SEMA3D: variants seen among roughly 807,000 people sequenced by gnomAD.
SEMA3D encodes semaphorin 3D, also known as semaphorin-3D.
Under a neutral mutation model 100.1 loss-of-function variants are expected in SEMA3D, and 84 were observed. The observed-to-expected ratio is 0.84, with a 90% CI of 0.70 to 1.01. SEMA3D has a LOEUF of 1.01. Among genes scored for constraint, SEMA3D ranks in the 50% least tolerant of loss-of-function variants. SEMA3D has a pLI of 0.00. For synonymous variants in SEMA3D, 312 were observed against 320.7 expected (o/e 0.97, Z 0.29); for missense variants, 875 against 934.1 (o/e 0.94, Z 0.82).
intron 12 of SEMA3D, among the ~76,000 whole-genome samples, chr7:85,035,596 G>C (rs1290536160): frequency 6.6e-6 from 1 of 151,890 alleles, no homozygotes; most frequent in Non-Finnish European, 1.5e-5. Flanking sequence ...AGCAAAATGG[G>C]AAGTTACCAA....
At chr7:85,167,573 T>C (rs1287468449) in intron 1 of SEMA3D, 1 of 167,542 alleles carries the variant, frequency 6.0e-6, no homozygotes, top group East Asian at 1.9e-4. Flanking sequence ...GCATTCAAGG[T>C]CTACCTGTAT....
At chr7:85,054,366 G>C (rs916208495) in intron 9 of SEMA3D, among the ~76,000 whole-genome samples, 1 of 151,960 alleles carries the variant, frequency 6.6e-6, no homozygotes, top group Non-Finnish European at 1.5e-5. Flanking sequence ...TCAGGGTCAG[G>C]ATACTGTTGC....
chr7:85,241,215 G>A, the SEMA3D span, among the ~76,000 whole-genome samples: 2 of 151,998 alleles, frequency 1.3e-5, no homozygotes, highest in East Asian at 3.9e-4. Flanking sequence ...TATACGGCTA[G>A]TGGGAATGTA....
upstream of SEMA3D, among the ~76,000 whole-genome samples, chr7:85,190,700 C>A (rs1192640978): frequency 6.6e-6 from 1 of 152,070 alleles, no homozygotes; most frequent in Non-Finnish European, 1.5e-5. Context: ...ATACATAGAA[C>A]TCTCAGAAGT....
At chr7:85,154,315 G>C (rs1453417240) in intron 1 of SEMA3D, among the ~76,000 whole-genome samples, 1 of 151,962 alleles carries the variant, frequency 6.6e-6, no homozygotes, top group African/African-American at 2.4e-5. Flanking sequence ...AACTCTTAGT[G>C]GTTGACAACA....
At chr7:85,061,822 C>A (rs1380456089) in intron 8 of SEMA3D, among the ~76,000 whole-genome samples, 1 of 152,188 alleles carries the variant, frequency 6.6e-6, no homozygotes, top group Non-Finnish European at 1.5e-5. Flanking sequence ...CTAGCTCTGG[C>A]CTGCCTTTCC....
intron 1 of SEMA3D, among the ~76,000 whole-genome samples, chr7:85,179,669 T>A (rs959184934): frequency 6.6e-6 from 1 of 151,888 alleles, no homozygotes; most frequent in African/African-American, 2.4e-5. Context: ...GAACTTTTTT[T>A]TTTTTTTTTT....
In SEMA3D at chr7:84,999,360, G is replaced by A. The variant is rs1476810883; in HGVS notation, c.*80C>T. 10 of 1,085,194 alleles carry A rather than the reference G, an allele frequency of 9.2e-6. No homozygotes were observed. The highest frequency in any genetic ancestry group is 1.1e-5 in the Non-Finnish European group (8 of 746,040). The allele number at this position is 1,085,194 out of a possible 1,614,324, so 67.2% of individuals were successfully genotyped here. ...GCAAAACTCCATGGGAAGCATTTATGAATTACTATAAGGGATATACAAAAC... is the reference window on the plus strand; with the variant it reads ...GCAAAACTCCATGGGAAGCATTTATAAATTACTATAAGGGATATACAAAAC... On this transcript the variant is annotated 3_prime_UTR_variant, in exon 19 of 19. Coordinates refer to ENST00000284136, the MANE Select transcript of SEMA3D (RefSeq NM_001384900.1).
At chr7:85,100,759 C>G (rs1010076280) in intron 3 of SEMA3D, among the ~76,000 whole-genome samples, 2 of 151,280 alleles carry the variant, frequency 1.3e-5, no homozygotes, top group Non-Finnish European at 3.0e-5. Context: ...TTCTTTTTTT[C>G]TACTTTATAA....
At position 85,048,435 on chromosome 7, in the gene SEMA3D, A is replaced by G. The variant is rs144188120; in HGVS notation, c.862-6150T>C. On this transcript the variant is annotated intron_variant, in intron 9 of 18. Coordinates refer to ENST00000284136, the MANE Select transcript of SEMA3D (RefSeq NM_001384900.1). Reference sequence around the variant, plus strand: ...AGAAGTTTGAAACTATGACCATGACATGGTAGAAACAAAAAGTGAAACCTG... The same window carrying G: ...AGAAGTTTGAAACTATGACCATGACGTGGTAGAAACAAAAAGTGAAACCTG... Among the ~76,000 whole-genome samples, 644 of 151,972 alleles carry G rather than the reference A, an allele frequency of 4.2e-3. 3 individuals carry two copies. The highest frequency in any genetic ancestry group is 0.014 in the Middle Eastern group (4 of 294).
At chr7:85,002,151 C>G (rs1789671716) in intron 18 of SEMA3D, among the ~76,000 whole-genome samples, 1 of 152,110 alleles carries the variant, frequency 6.6e-6, no homozygotes, top group Non-Finnish European at 1.5e-5. Flanking sequence ...CCCTCTAGTT[C>G]TGTCCCCACA....
At chr7:85,236,292 T>A in the SEMA3D span, among the ~76,000 whole-genome samples, 5 of 146,714 alleles carry the variant, frequency 3.4e-5, no homozygotes, top group Admixed American at 1.4e-4. Context: ...TTTATTTATT[T>A]ATTTATTTAT....
At chr7:85,204,929 G>T in the SEMA3D span, among the ~76,000 whole-genome samples, 1 of 151,950 alleles carries the variant, frequency 6.6e-6, no homozygotes, top group Non-Finnish European at 1.5e-5. Context: ...AACATCAGGA[G>T]CTAGAGAAAA....
At chr7:85,211,566 C>T in the SEMA3D span, among the ~76,000 whole-genome samples, 2 of 152,058 alleles carry the variant, frequency 1.3e-5, no homozygotes, top group African/African-American at 2.4e-5. Context: ...AATAGAAAGA[C>T]ATACAAATGT....
At chr7:85,058,331 C>T (rs535000996) in intron 8 of SEMA3D, among the ~76,000 whole-genome samples, 13 of 152,232 alleles carry the variant, frequency 8.5e-5, no homozygotes, top group African/African-American at 3.1e-4. Context: ...CCAACCCCTG[C>T]CCCGGCCCTC....
chr7:85,234,030 T>G, the SEMA3D span, among the ~76,000 whole-genome samples: 1 of 152,220 alleles, frequency 6.6e-6, no homozygotes, highest in African/African-American at 2.4e-5. Context: ...AGTTTGATAA[T>G]GTTAGAGAAT....
the SEMA3D span, among the ~76,000 whole-genome samples, chr7:85,199,675 G>A: frequency 6.6e-6 from 1 of 152,120 alleles, no homozygotes; most frequent in African/African-American, 2.4e-5. Flanking sequence ...TCTAGATTAT[G>A]AGCCAGTTTG....
At chr7:85,015,831 A>G (rs1291890923) in intron 15 of SEMA3D, among the ~76,000 whole-genome samples, 1 of 151,802 alleles carries the variant, frequency 6.6e-6, no homozygotes, top group East Asian at 1.9e-4. Context: ...CATTTTCAAT[A>G]TAAGTCCTGA....
chr7:85,124,705 C>T (rs538407319), intron 2 of SEMA3D, among the ~76,000 whole-genome samples: 8 of 152,162 alleles, frequency 5.3e-5, no homozygotes, highest in African/African-American at 1.9e-4. Flanking sequence ...GACTCCTGAA[C>T]AGCAAGGCAG....
Sources: gnomAD v4.1 joint callset for allele counts (sites outside exome capture counted in the v4.1 genomes callset) on GRCh38, gnomAD v4.1.1 for gene constraint, MANE v1.5 for transcripts, NCBI Gene and HGNC (gene_info 2026-07-23, HGNC 2026-07-21) for gene names.